The following RIMBP2 variants were observed in gnomAD, a reference collection of about 807,000 sequenced individuals.
RIMBP2 encodes the protein RIMS binding protein 2.
In RIMBP2, 48 loss-of-function variants were observed where a neutral mutation model predicts 118.6. The ratio of observed to expected loss-of-function variants is 0.40; its 90% CI spans 0.32 to 0.51. The LOEUF (loss-of-function observed/expected upper bound fraction) is 0.51. Among genes scored for constraint, RIMBP2 ranks in the 20% least tolerant of loss-of-function variants. The pLI, the probability that RIMBP2 is intolerant of heterozygous loss-of-function variation, is 0.41. For missense variants in RIMBP2, 1,551 were observed against 1,768.3 expected (o/e 0.88, Z 2.20); for synonymous variants, 762 against 742.9 (o/e 1.03, Z -0.42).
intron 17 of RIMBP2, among the ~76,000 whole-genome samples, chr12:130,418,544 A>G (rs2136613266): frequency 6.6e-6 from 1 of 152,274 alleles, no homozygotes; most frequent in African/African-American, 2.4e-5. Flanking sequence ...TAGTGAATGC[A>G]GTTCCAGGTA....
intron 10 of RIMBP2, among the ~76,000 whole-genome samples, chr12:130,444,260 TGA>T (rs754381039): frequency 3.3e-5 from 5 of 152,112 alleles, no homozygotes; most frequent in Admixed American, 1.3e-4. Flanking sequence ...GAACAGCTGG[TGA>T]GAGAGTGGTG....
intron 4 of RIMBP2, among the ~76,000 whole-genome samples, chr12:130,506,445 T>C (rs935680405): frequency 5.3e-5 from 8 of 152,290 alleles, no homozygotes; most frequent in African/African-American, 1.9e-4. Context: ...CTTTACGGGA[T>C]TGCTTCCAGA....
intron 1 of RIMBP2, among the ~76,000 whole-genome samples, chr12:130,676,479 T>TCA (rs1566448720): frequency 2.2e-4 from 34 of 151,672 alleles, no homozygotes; most frequent in African/African-American, 7.7e-4. Context: ...AAAAATTAGC[T>TCA]GGGTGTGGTG....
intron 1 of RIMBP2, among the ~76,000 whole-genome samples, chr12:130,689,659 T>A (rs2065225646): frequency 6.6e-6 from 1 of 151,988 alleles, no homozygotes; most frequent in Non-Finnish European, 1.5e-5. Context: ...GACGGGCCCA[T>A]CAACACTTCG....
chr12:130,658,980 A>ACCTCCCTTCCTCCACCATGCCAG (rs2063541799), intron 1 of RIMBP2, among the ~76,000 whole-genome samples: 11 of 150,396 alleles, frequency 7.3e-5, no homozygotes, highest in Non-Finnish European at 1.3e-4. Flanking sequence ...CACCATGCCA[A>ACCTCCCTTCCTCCACCATGCCAG]CCTCCCTTCC....
intron 2 of RIMBP2, among the ~76,000 whole-genome samples, chr12:130,556,433 G>A (rs2056362085): frequency 6.6e-6 from 1 of 152,250 alleles, no homozygotes; most frequent in Admixed American, 6.5e-5. Flanking sequence ...ACCAATCAGG[G>A]TGCTGTCTGG....
rs2081233809 is a variant in RIMBP2 at position 130,474,080 on chromosome 12, A to G, written c.103-3337T>C. ...CACAAGACAAGGATGTAACCTACAC[A>G]AGAAACTGAAAGTCTGAAGCAACGG... On this transcript the variant is annotated intron_variant, in intron 5 of 22. Coordinates refer to ENST00000690449, the MANE Select transcript of RIMBP2 (RefSeq NM_001393629.1). Among the ~76,000 whole-genome samples the G allele has an allele frequency of 2.0e-5, 3 of 152,186 alleles. No individual in the cohort carries two copies. The South Asian group carries it at 6.2e-4, about 32-fold the overall frequency.
chr12:130,620,088 C>T lies in RIMBP2; in HGVS notation c.-217+8234G>A, dbSNP rs113509418. 1.3e-3 allele frequency among the ~76,000 whole-genome samples: 197 copies of T among 152,240 alleles called. 2 individuals carry two copies. Among genetic ancestry groups the T allele is most frequent in the Middle Eastern group, 3.4e-3 (1 of 294 alleles). ...GCGGCAACCGGTTGAAAAGGGCCTCCGAGGCAGTGGCTCACTCTTCTGGCC... is the reference window on the plus strand; with the variant it reads ...GCGGCAACCGGTTGAAAAGGGCCTCTGAGGCAGTGGCTCACTCTTCTGGCC... On this transcript the variant is annotated intron_variant, in intron 2 of 22. Coordinates refer to ENST00000690449, the MANE Select transcript of RIMBP2 (RefSeq NM_001393629.1). The surrounding 1 kb of genome is among the most constrained non-coding windows in gnomAD (Gnocchi z 5.3).
rs372788001 is a variant in RIMBP2, at chr12:130,406,260, T to C, written c.3694-17A>G. The C allele has an allele frequency of 8.7e-5, 135 of 1,553,146 alleles. No individual in the cohort carries two copies. The African/African-American group carries it at 1.6e-3, about 18-fold the overall frequency. On this transcript the variant is annotated splice_polypyrimidine_tract_variant and intron_variant, in intron 20 of 22. Transcript: ENST00000690449. ...AAGTTCGGCCTGTGGAGATGAAACA[T>C]AAAATTAATCGTATTTTTCTACACA...
intron 2 of RIMBP2, among the ~76,000 whole-genome samples, chr12:130,526,207 A>G (rs1215032769): frequency 1.3e-5 from 2 of 152,172 alleles, no homozygotes; most frequent in South Asian, 2.1e-4. Context: ...CATGAAATCT[A>G]AAAGAATATA....
chr12:130,570,259 A>G (rs1416531291), intron 2 of RIMBP2, among the ~76,000 whole-genome samples: 1 of 152,086 alleles, frequency 6.6e-6, no homozygotes, highest in Non-Finnish European at 1.5e-5. Flanking sequence ...GCCCGTCTCT[A>G]TAAAAAACAC....
intron 3 of RIMBP2, among the ~76,000 whole-genome samples, chr12:130,509,791 T>A (rs2050733666): frequency 6.6e-6 from 1 of 151,674 alleles, no homozygotes; most frequent in Non-Finnish European, 1.5e-5. Context: ...CTCTGCTCCA[T>A]CCTCCAGTTT....
At chr12:130,486,111 C>T (rs1004306861) in intron 4 of RIMBP2, among the ~76,000 whole-genome samples, 8 of 152,306 alleles carry the variant, frequency 5.3e-5, no homozygotes, top group East Asian at 1.9e-4. Flanking sequence ...CCATCTCACA[C>T]GCTCTTCCAG....
intron 6 of RIMBP2, chr12:130,465,719 C>T (rs2080406937): frequency 6.6e-6 from 1 of 152,242 alleles, no homozygotes; most frequent in African/African-American, 2.4e-5. Flanking sequence ...GGTAAAGCGA[C>T]TTCCTGCATT....
intron 2 of RIMBP2, among the ~76,000 whole-genome samples, chr12:130,618,390 C>A (rs2061087966): frequency 6.6e-6 from 1 of 152,104 alleles, no homozygotes; most frequent in Non-Finnish European, 1.5e-5. Context: ...CATCTCACTC[C>A]ATGGGCCCTG....
At chr12:130,453,035 C>T (rs2079127914) in intron 7 of RIMBP2, among the ~76,000 whole-genome samples, 1 of 152,214 alleles carries the variant, frequency 6.6e-6, no homozygotes, top group Non-Finnish European at 1.5e-5. Context: ...ACCGCGCTCT[C>T]TCATGATGGT....
In RIMBP2 at chr12:130,453,915, G is replaced by A. The variant is rs138431505; in HGVS notation, c.359-2575C>T. The stretch of plus-strand genomic sequence containing the variant: ...CTAAAAATACAAAAATTAGCCAGGC[G>A]CGGCGGTGCACACCTGTAATCCCAG... On this transcript the variant is annotated intron_variant, in intron 7 of 22. Transcript: ENST00000690449. Among the ~76,000 whole-genome samples, 1,105 of 152,202 alleles carry A rather than the reference G, an allele frequency of 7.3e-3. 11 individuals carry two copies. The highest frequency in any genetic ancestry group is 0.024 in the African/African-American group (999 of 41,530).
In RIMBP2 at chr12:130,685,297, TTA is replaced by T. The variant is rs1350621834; in HGVS notation, c.-352+30923_-352+30924del. 5.3e-5 allele frequency among the ~76,000 whole-genome samples: 8 copies of T among 152,284 alleles called. No homozygotes were observed. The East Asian group carries it at 1.2e-3, about 22-fold the overall frequency. On this transcript the variant is annotated intron_variant, in intron 1 of 22. Coordinates refer to ENST00000690449, the MANE Select transcript of RIMBP2 (RefSeq NM_001393629.1). Reference sequence around the variant, plus strand: ...CCTTTGTTTTACTACAGTAACCCCTTTATATACGGATCTCATAACATCATGTT... The same window carrying T: ...CCTTTGTTTTACTACAGTAACCCCTTTATACGGATCTCATAACATCATGTT...
intron 19 of RIMBP2, among the ~76,000 whole-genome samples, chr12:130,412,410 T>C (rs549677150): frequency 6.6e-6 from 1 of 152,336 alleles, no homozygotes; most frequent in Admixed American, 6.5e-5. Context: ...TAGGTGTATC[T>C]GTGTCCCTAA....
Sources: allele counts gnomAD v4.1 joint callset (sites outside exome capture counted in the v4.1 genomes callset), GRCh38; gene constraint gnomAD v4.1.1; non-coding constraint Gnocchi (gnomAD v3.1); transcripts MANE v1.5; gene names NCBI Gene and HGNC (gene_info 2026-07-23, HGNC 2026-07-21).